The following NTM variants were observed in gnomAD, a reference collection of about 807,000 sequenced individuals.
NTM encodes the protein IgLON family member 2.
NTM carries 13 observed loss-of-function variants against 42.1 expected under a neutral mutation model. The observed-to-expected ratio is 0.31, with a 90% CI of 0.20 to 0.49. The LOEUF (loss-of-function observed/expected upper bound fraction) is 0.49, where lower values mean the gene tolerates loss of function less well. Ranked by LOEUF, NTM falls within the 20% of genes least tolerant of loss-of-function variation. The pLI, the probability that NTM is intolerant of heterozygous loss-of-function variation, is 0.99. For missense variants in NTM, 373 were observed against 452.8 expected, an observed-to-expected ratio of 0.82 and a Z score of 1.60; for synonymous variants, 187 against 179.2, an observed-to-expected ratio of 1.04 and a Z score of -0.35.
chr11:131,942,168 T>C (rs982861659), intron 2 of NTM, among the ~76,000 whole-genome samples: 10 of 152,116 alleles, frequency 6.6e-5, no homozygotes, highest in Non-Finnish European at 7.4e-5. Context: ...CAGAAGCAGG[T>C]AAAACTGCTA....
At chr11:131,927,462 A>G (rs76538115) in intron 2 of NTM, among the ~76,000 whole-genome samples, 5,859 of 152,302 alleles carry the variant, frequency 0.038, 147 homozygotes, top group Middle Eastern at 0.13. Flanking sequence ...TTAAGCCTAG[A>G]TGGGAAGTGT....
At chr11:131,877,095 G>A (rs1382400257) in intron 1 of NTM, among the ~76,000 whole-genome samples, 1 of 152,206 alleles carries the variant, frequency 6.6e-6, no homozygotes, top group Admixed American at 6.5e-5. Context: ...CCTGCCTCAA[G>A]TGATCCACCC....
chr11:131,658,789 G>T (rs2067557163), intron 1 of NTM, among the ~76,000 whole-genome samples: 1 of 152,164 alleles, frequency 6.6e-6, no homozygotes, highest in Non-Finnish European at 1.5e-5. Flanking sequence ...GGACAGCATG[G>T]CAAAACCCTG....
intron 4 of NTM, among the ~76,000 whole-genome samples, chr11:132,227,145 A>G (rs1034430355): frequency 3.3e-5 from 5 of 152,200 alleles, no homozygotes; most frequent in Admixed American, 3.3e-4. Flanking sequence ...TGGCACTCCA[A>G]TAGTCCAGTG....
At chr11:132,318,974 C>T (rs1052664700) in intron 7 of NTM, among the ~76,000 whole-genome samples, 7 of 152,114 alleles carry the variant, frequency 4.6e-5, no homozygotes, top group Non-Finnish European at 7.3e-5. Flanking sequence ...TACAGCACCA[C>T]AGCGATGAGC....
chr11:131,671,062 C>A (rs1454207647), intron 1 of NTM, among the ~76,000 whole-genome samples: 1 of 152,166 alleles, frequency 6.6e-6, no homozygotes, highest in African/African-American at 2.4e-5. Context: ...GTTTCCTGCC[C>A]CCATCATCTT....
At chr11:131,910,466 G>T (rs1275092923) in intron 1 of NTM, among the ~76,000 whole-genome samples, 2 of 151,190 alleles carry the variant, frequency 1.3e-5, no homozygotes, top group Non-Finnish European at 3.0e-5. Context: ...GGGCGCCCGC[G>T]CCCCGCGCCC....
chr11:132,048,818 C>CTT (rs10563617), intron 2 of NTM, among the ~76,000 whole-genome samples: 5 of 132,992 alleles, frequency 3.8e-5, no homozygotes, highest in Admixed American at 7.6e-5. Context: ...TTTCTTTTTT[C>CTT]TTTTTTTTTT....
chr11:131,622,021 T>G lies in NTM; in HGVS notation c.82+251133T>G, dbSNP rs112349457. Among the ~76,000 whole-genome samples, 524 of 152,214 alleles carry G rather than the reference T, an allele frequency of 3.4e-3. 4 individuals carry two copies. The highest frequency in any genetic ancestry group is 0.012 in the African/African-American group (491 of 41,540). On this transcript the variant is annotated intron_variant, in intron 1 of 8. Transcript: ENST00000683400. ...AGTACATGAGCCAGGAAAGCCACAT[T>G]CCTGAGAAGGGTCCCGTGGCTGTGG... is the stretch of plus-strand genomic sequence containing the variant.
chr11:131,923,235 C>A (rs560264593), intron 2 of NTM, among the ~76,000 whole-genome samples: 1 of 152,142 alleles, frequency 6.6e-6, no homozygotes, highest in Admixed American at 6.6e-5. Context: ...GCTACTCCCC[C>A]TAAAATGCAA....
At chr11:131,406,812 G>A (rs1945858366) in intron 1 of NTM, among the ~76,000 whole-genome samples, 1 of 152,002 alleles carries the variant, frequency 6.6e-6, no homozygotes, top group South Asian at 2.1e-4. Flanking sequence ...ATCACTCTGA[G>A]AAGTGGATAA....
chr11:131,576,174 A>T (rs2057914051), intron 1 of NTM, among the ~76,000 whole-genome samples: 1 of 152,136 alleles, frequency 6.6e-6, no homozygotes, highest in Non-Finnish European at 1.5e-5. Context: ...CAGACCATAA[A>T]TAACAGCTCG....
intron 1 of NTM, among the ~76,000 whole-genome samples, chr11:131,439,254 T>A (rs771350676): frequency 2.6e-5 from 4 of 152,204 alleles, no homozygotes; most frequent in Non-Finnish European, 5.9e-5. Flanking sequence ...GTTAGGCTAC[T>A]CGGGGGTCAG....
intron 3 of NTM, among the ~76,000 whole-genome samples, chr11:132,151,370 G>A (rs2071869466): frequency 6.6e-6 from 1 of 152,308 alleles, no homozygotes; most frequent in African/African-American, 2.4e-5. Flanking sequence ...CCATGGTTGT[G>A]TGCAGAGTGT....
chr11:131,446,275 G>A (rs941996151), intron 1 of NTM, among the ~76,000 whole-genome samples: 7 of 152,098 alleles, frequency 4.6e-5, no homozygotes, highest in Non-Finnish European at 8.8e-5. Flanking sequence ...CCGTCCCTAG[G>A]AGAGAACTTC....
chr11:131,637,277 CCTCTGTAGAGAAAGCAACTAAATCA>C (rs1485386722), intron 1 of NTM, among the ~76,000 whole-genome samples: 1 of 151,856 alleles, frequency 6.6e-6, no homozygotes, highest in Non-Finnish European at 1.5e-5. Context: ...CCAGAGTCAC[CCTCTGTAGAGAAAGCAACTAAATCA>C]CAAGAAAAGA....
At chr11:132,247,970 C>T (rs1210787585) in intron 4 of NTM, among the ~76,000 whole-genome samples, 1 of 152,190 alleles carries the variant, frequency 6.6e-6, no homozygotes, top group Non-Finnish European at 1.5e-5. Context: ...AAGAGCCTCA[C>T]CTTCTCTCCA....
intron 4 of NTM, among the ~76,000 whole-genome samples, chr11:132,226,459 A>G (rs2138956915): frequency 6.6e-6 from 1 of 152,288 alleles, no homozygotes; most frequent in Non-Finnish European, 1.5e-5. Flanking sequence ...TGTAATGACC[A>G]GTGATGATGA....
intron 1 of NTM, among the ~76,000 whole-genome samples, chr11:131,847,876 A>G (rs2045098984): frequency 6.6e-6 from 1 of 152,122 alleles, no homozygotes; most frequent in African/African-American, 2.4e-5. Context: ...CAATACTTCA[A>G]ATATTTTAAC....
Sources: allele counts gnomAD v4.1 joint callset (sites outside exome capture counted in the v4.1 genomes callset), GRCh38; gene constraint gnomAD v4.1.1; transcripts MANE v1.5; gene names NCBI Gene and HGNC (gene_info 2026-07-23, HGNC 2026-07-21).